CYP4A11: variants seen among roughly 807,000 people sequenced by gnomAD.
CYP4A11 encodes the protein cytochrome P450 4A11.
Under a neutral mutation model 57.7 loss-of-function variants are expected in CYP4A11, and 52 were observed. That is an observed-to-expected ratio of 0.90 (90% CI 0.72 to 1.14). The LOEUF (loss-of-function observed/expected upper bound fraction) is 1.14, where lower values mean the gene tolerates loss of function less well. CYP4A11 is among the 50% of genes most tolerant of loss of function. CYP4A11 has a pLI of 0.00. For synonymous variants in CYP4A11, 228 were observed against 247.1 expected, an observed-to-expected ratio of 0.92 and a Z score of 0.72; for missense variants, 641 against 642.1, an observed-to-expected ratio of 1.00 and a Z score of 0.02.
In CYP4A11 at chr1:46,934,910, G is replaced by A. The variant is rs1430204881; in HGVS notation, c.790+90C>T. 1.7e-5 allele frequency: 27 copies of A among 1,550,624 alleles called. 1 individual carries two copies. Among genetic ancestry groups the A allele is most frequent in the Middle Eastern group, 1.7e-4 (1 of 5,756 alleles). On this transcript the variant is annotated intron_variant, in intron 6 of 11. Coordinates refer to ENST00000310638, the MANE Select transcript of CYP4A11 (RefSeq NM_000778.4). ...CTGAGTGTGTTCTGCGTTCTGCAGG[G>A]TTACTAGGGGCCTTCTCTGGCTGAG...
At chr1:46,933,540 C>G (rs1477006113) in intron 9 of CYP4A11, among the ~76,000 whole-genome samples, 1 of 152,194 alleles carries the variant, frequency 6.6e-6, no homozygotes, top group Non-Finnish European at 1.5e-5. Context: ...ATCACTTTCT[C>G]TCTGCCATCA....
Position 46,935,163 on chromosome 1 carries a change from G to A in CYP4A11, c.636-9C>T. The stretch of plus-strand genomic sequence containing the variant: ...TGTAGGACTGAGAATTCCTGAGGGA[G>A]AGTATGAAGAAGGGACTGCAGTAGG... On this transcript the variant is annotated splice_polypyrimidine_tract_variant and intron_variant, in intron 5 of 11. Transcript: ENST00000310638. The A allele has an allele frequency of 6.2e-7, 1 of 1,612,482 alleles. No individual in the cohort carries two copies. Among genetic ancestry groups the A allele is most frequent in the South Asian group, 1.1e-5 (1 of 90,920 alleles).
At chr1:46,935,452 A>C (rs1451760258) in intron 5 of CYP4A11, 71 bp downstream of exon 5, 1 of 1,525,246 alleles carries the variant, frequency 6.6e-7, no homozygotes, top group African/African-American at 1.4e-5. Context: ...ACGCTGCCCC[A>C]CCTGCCCCTC....
At chr1:46,937,026 G>C (rs549294638) in intron 3 of CYP4A11, among the ~76,000 whole-genome samples, 71 of 152,306 alleles carry the variant, frequency 4.7e-4, no homozygotes, top group African/African-American at 1.7e-3. Context: ...ACAGCTGTGA[G>C]ATAAAAGTTG....
At chr1:46,941,211 C>T (rs747664532) in intron 1 of CYP4A11, 28 bp downstream of exon 1, 10 of 1,599,750 alleles carry the variant, frequency 6.3e-6, no homozygotes, top group African/African-American at 1.3e-5. Flanking sequence ...TCTTTGCCCT[C>T]CCACTCCCCC....
Position 46,938,110 on chromosome 1 carries a change from T to A in CYP4A11, c.223A>T (p.Ile75Phe). Residue 75 changes from isoleucine (I) to phenylalanine (F), a missense_variant, in exon 2 of 12, where the codon ATT (isoleucine) becomes TTT (phenylalanine). By Grantham distance (21) the Ile-to-Phe change is conservative (BLOSUM62 0). Coordinates refer to ENST00000310638, the MANE Select transcript of CYP4A11 (RefSeq NM_000778.4). Reference sequence around the variant, plus strand: ...GGGAATGTCTCCACCCATTTCTGAATCCGTTGTAGCTCCTGGTCCTGTTGG... The same window carrying A: ...GGGAATGTCTCCACCCATTTCTGAAACCGTTGTAGCTCCTGGTCCTGTTGG... ...ELQQDQELQR[I>F]QKWVETFPSA... 1 of 1,614,192 alleles carries A rather than the reference T, an allele frequency of 6.2e-7. No individual in the cohort carries two copies. The highest frequency in any genetic ancestry group is 2.2e-5 in the East Asian group (1 of 44,886).
At position 46,934,488 on chromosome 1, in the gene CYP4A11, G is replaced by A. The variant is rs1318673733; in HGVS notation, c.862C>T (p.His288Tyr). ...GELEKIKRKRHLDFLDILLLA... is the reference protein window; with the variant it reads ...GELEKIKRKRYLDFLDILLLA... ...AGGAGGATATCCAGAAAATCCAAAT[G>A]CCTCTTCCTCTTGATCTTCTCCAGC... The change falls in exon 7 of 12, where the codon CAT becomes TAT. Residue 288 changes from histidine to tyrosine, a missense_variant. By Grantham distance (83) the His-to-Tyr change is moderately conservative (BLOSUM62 2). Coordinates refer to ENST00000310638, the MANE Select transcript of CYP4A11 (RefSeq NM_000778.4). The A allele has an allele frequency of 4.3e-6, 7 of 1,613,834 alleles. No homozygotes were observed. The highest frequency in any genetic ancestry group is 1.7e-4 in the Middle Eastern group (1 of 6,056).
intron 11 of CYP4A11, among the ~76,000 whole-genome samples, chr1:46,930,766 T>C (rs979745592): frequency 5.9e-5 from 9 of 152,082 alleles, no homozygotes; most frequent in East Asian, 1.9e-4. Flanking sequence ...ACCTGAATCC[T>C]CATAGGGGCC....
chr1:46,931,148 G>A (rs1359764585), intron 11 of CYP4A11, among the ~76,000 whole-genome samples: 1 of 152,196 alleles, frequency 6.6e-6, no homozygotes, highest in Middle Eastern at 3.4e-3. Flanking sequence ...TCCAGCCCAC[G>A]TCCTGGCCCT....
chr1:46,932,144 C>A lies in CYP4A11; in HGVS notation c.1364+617G>T. On this transcript the variant is annotated intron_variant, in intron 11 of 11. Coordinates refer to ENST00000310638, the MANE Select transcript of CYP4A11 (RefSeq NM_000778.4). ...GTAAATATGTGAACACTATATAATG[C>A]AGTAAAAATTTCATTGGGCAAGACA... 11 of 982,518 alleles carry A rather than the reference C, an allele frequency of 1.1e-5. No homozygotes were observed. In the South Asian group the frequency reaches 2.8e-4, roughly 25 times the overall value. The allele number at this position is 982,518 out of a possible 1,614,324, so 60.9% of individuals were successfully genotyped here. A position where few individuals can be genotyped will look rare whatever the true frequency, so the allele number is the denominator to read the frequency against.
At chr1:46,939,059 T>G (rs972272641) in intron 1 of CYP4A11, among the ~76,000 whole-genome samples, 1 of 152,218 alleles carries the variant, frequency 6.6e-6, no homozygotes, top group Admixed American at 6.5e-5. Flanking sequence ...TCCTCAGCTT[T>G]CAAGACTCAG....
chr1:46,934,968 A>C lies in CYP4A11; in HGVS notation c.790+32T>G, dbSNP rs781136855. The C allele has an allele frequency of 9.3e-6, 15 of 1,604,464 alleles. No individual in the cohort carries two copies. In the Admixed American group the frequency reaches 1.7e-4, roughly 18 times the overall value. ...GGCAAGTTCTTTCGCTGTGCCTGGG[A>C]AAGGCTGGGAGACAAGAGGAAAAGA... On this transcript the variant is annotated intron_variant, in intron 6 of 11. Coordinates refer to ENST00000310638, the MANE Select transcript of CYP4A11 (RefSeq NM_000778.4).
intron 9 of CYP4A11, among the ~76,000 whole-genome samples, 167 bp from the exon 10 acceptor site, chr1:46,933,214 A>T (rs1240835598): frequency 6.6e-6 from 1 of 152,240 alleles, no homozygotes; most frequent in East Asian, 1.9e-4. Flanking sequence ...TTAACAAAGC[A>T]TGTGAGTTCA....
At position 46,934,330 on chromosome 1, in the gene CYP4A11, G is replaced by A. The variant is rs780833068; in HGVS notation, c.934C>T (p.Arg312Cys). The A allele has an allele frequency of 5.7e-5, 92 of 1,600,130 alleles. No individual in the cohort carries two copies. Among genetic ancestry groups the A allele is most frequent in the Non-Finnish European group, 7.7e-5 (90 of 1,172,484 alleles). ...NGSILSDKDL[R>C]AEVDTFMFEG... ...AACATGAACGTGTCCACCTCAGCAC[G>A]GAGGTCCTTGTCTGACAAGATGCTC... Residue 312 changes from arginine to cysteine, a missense_variant, in exon 8 of 12, where the codon CGT (arginine) becomes TGT (cysteine). Physicochemically the swap from Arg to Cys is radical, Grantham distance 180 (BLOSUM62 -3). Coordinates refer to ENST00000310638, the MANE Select transcript of CYP4A11 (RefSeq NM_000778.4).
chr1:46,930,418 C>A, intron 11 of CYP4A11, 108 bp from the exon 12 acceptor site: 1 of 1,257,634 alleles, frequency 8.0e-7, no homozygotes, highest in South Asian at 1.4e-5. Context: ...CAGTGCCCAA[C>A]CTCATGTGTC....
At chr1:46,940,970 T>G (rs1681711957) in intron 1 of CYP4A11, 2 of 985,352 alleles carry the variant, frequency 2.0e-6, no homozygotes, top group Non-Finnish European at 2.4e-6. Flanking sequence ...AATCAGGCAT[T>G]GCCCTCCACA....
intron 4 of CYP4A11, among the ~76,000 whole-genome samples, 177 bp from the exon 5 acceptor site, chr1:46,935,824 G>A (rs1190738535): frequency 1.3e-5 from 2 of 152,236 alleles, no homozygotes; most frequent in African/African-American, 4.8e-5. Context: ...TGTAAAGCCA[G>A]TGTTGGTAAA....
intron 11 of CYP4A11, 126 bp downstream of exon 11, chr1:46,932,635 A>G: frequency 1.3e-6 from 2 of 1,583,874 alleles, no homozygotes; most frequent in Non-Finnish European, 1.7e-6. Flanking sequence ...TGACTTTCCC[A>G]CAAATACCAA....
intron 9 of CYP4A11, 43 bp downstream of exon 9, chr1:46,933,903 T>C: frequency 1.2e-6 from 2 of 1,611,182 alleles, no homozygotes; most frequent in Non-Finnish European, 1.7e-6. Flanking sequence ...CCTCCACACG[T>C]CCCTGTGGAG....
Sources: allele counts gnomAD v4.1 joint callset (sites outside exome capture counted in the v4.1 genomes callset), GRCh38; gene constraint gnomAD v4.1.1; transcripts MANE v1.5; gene names NCBI Gene and HGNC (gene_info 2026-07-23, HGNC 2026-07-21).